ASIC2: variants seen among roughly 807,000 people sequenced by gnomAD.
The protein encoded by ASIC2 is acid sensing ion channel subunit 2.
A neutral mutation model predicts 57.3 loss-of-function variants in ASIC2; 25 were observed. The ratio of observed to expected loss-of-function variants is 0.44; its 90% CI spans 0.32 to 0.61. The LOEUF is 0.61. ASIC2 is among the 20% of genes least tolerant of loss of function. The pLI is 0.06. For missense variants in ASIC2, 641 were observed against 738.1 expected (o/e 0.87, Z 1.52); for synonymous variants, 319 against 307.5 (o/e 1.04, Z -0.39).
At chr17:33,536,772 C>G (rs1027138745) in intron 1 of ASIC2, among the ~76,000 whole-genome samples, 2 of 152,142 alleles carry the variant, frequency 1.3e-5, no homozygotes, top group African/African-American at 2.4e-5. Flanking sequence ...TTTGGGAGGC[C>G]TAGGCAGGTG....
At chr17:34,074,863 A>G (rs1909570740) in intron 1 of ASIC2, among the ~76,000 whole-genome samples, 1 of 138,830 alleles carries the variant, frequency 7.2e-6, no homozygotes. Context: ...TCGGCTCACC[A>G]CAAACACCAT....
At chr17:34,099,108 GA>G (rs1239376030) in intron 1 of ASIC2, among the ~76,000 whole-genome samples, 17 of 26,732 alleles carry the variant, frequency 6.4e-4, no homozygotes. Flanking sequence ...AGAAAAGAGA[GA>G]GAGAGAGAGA....
At chr17:34,108,956 T>C (rs1278278494) in intron 1 of ASIC2, among the ~76,000 whole-genome samples, 1 of 152,062 alleles carries the variant, frequency 6.6e-6, no homozygotes, top group Non-Finnish European at 1.5e-5. Context: ...TGGTTATGGT[T>C]AGTGGTGTTT....
chr17:33,805,945 C>T (rs1912255974), intron 1 of ASIC2, among the ~76,000 whole-genome samples: 1 of 152,192 alleles, frequency 6.6e-6, no homozygotes, highest in Non-Finnish European at 1.5e-5. Flanking sequence ...CACACACTTG[C>T]ACACATATTA....
intron 1 of ASIC2, among the ~76,000 whole-genome samples, chr17:33,482,745 C>T (rs1456778993): frequency 6.6e-6 from 1 of 152,164 alleles, no homozygotes; most frequent in Non-Finnish European, 1.5e-5. Context: ...CATCCTTTTC[C>T]CACACTACCC....
chr17:33,361,439 T>C (rs528471457), intron 1 of ASIC2, among the ~76,000 whole-genome samples: 14 of 152,330 alleles, frequency 9.2e-5, no homozygotes, highest in Admixed American at 2.0e-4. Flanking sequence ...AATAGCCTTA[T>C]GCACCTGCAA....
intron 1 of ASIC2, among the ~76,000 whole-genome samples, chr17:33,232,798 AGAGAG>A (rs1385019657): frequency 6.6e-6 from 1 of 152,228 alleles, no homozygotes; most frequent in African/African-American, 2.4e-5. Context: ...CTGAACGCTA[AGAGAG>A]GAGAGAGATG....
At chr17:33,317,949 C>A (rs2142212325) in intron 1 of ASIC2, among the ~76,000 whole-genome samples, 1 of 148,858 alleles carries the variant, frequency 6.7e-6, no homozygotes, top group Non-Finnish European at 1.5e-5. Context: ...TATATATGAG[C>A]TTGTAGGTGG....
intron 1 of ASIC2, among the ~76,000 whole-genome samples, chr17:33,347,540 A>G (rs1323204319): frequency 6.6e-6 from 1 of 152,152 alleles, no homozygotes; most frequent in Admixed American, 6.6e-5. Flanking sequence ...AGTGTTTGGT[A>G]GAGAGTGGGT....
rs1316748388 is a variant in ASIC2 at position 34,133,487 on chromosome 17, A to G, written c.555+22491T>C. 7.9e-5 allele frequency among the ~76,000 whole-genome samples: 12 copies of G among 152,376 alleles called. 1 individual carries two copies. The South Asian group carries it at 2.3e-3, about 29-fold the overall frequency. On this transcript the variant is annotated intron_variant, in intron 1 of 9. Transcript: ENST00000359872. ...AACATCAGTGCATTCTCCCAAGAGCAGCCCTGGCTCTGAGCTGTGGGACAG... is the reference window on the plus strand; with the variant it reads ...AACATCAGTGCATTCTCCCAAGAGCGGCCCTGGCTCTGAGCTGTGGGACAG...
chr17:33,221,772 G>C (rs983128368), intron 1 of ASIC2, among the ~76,000 whole-genome samples: 1 of 151,886 alleles, frequency 6.6e-6, no homozygotes, highest in Non-Finnish European at 1.5e-5. Context: ...TTTCTGAAAG[G>C]TCATCTTAAA....
At chr17:33,798,803 G>A (rs1911995196) in intron 1 of ASIC2, among the ~76,000 whole-genome samples, 1 of 152,130 alleles carries the variant, frequency 6.6e-6, no homozygotes, top group Admixed American at 6.6e-5. Context: ...TCTTTGGAAG[G>A]GATCAGGGCC....
chr17:33,633,160 A>T (rs1294703899), intron 1 of ASIC2, among the ~76,000 whole-genome samples: 1 of 152,158 alleles, frequency 6.6e-6, no homozygotes, highest in African/African-American at 2.4e-5. Context: ...GTCATCTGAG[A>T]GAGTGTTACC....
intron 1 of ASIC2, among the ~76,000 whole-genome samples, chr17:34,115,411 T>C (rs930099711): frequency 6.6e-6 from 1 of 152,216 alleles, no homozygotes; most frequent in Non-Finnish European, 1.5e-5. Flanking sequence ...ACTCAACCCC[T>C]GCTTGAATTC....
At chr17:34,086,765 G>C (rs1180579653) in intron 1 of ASIC2, among the ~76,000 whole-genome samples, 1 of 152,212 alleles carries the variant, frequency 6.6e-6, no homozygotes, top group East Asian at 1.9e-4. Context: ...AGCTCTTCTT[G>C]TTGAATTGAT....
intron 1 of ASIC2, among the ~76,000 whole-genome samples, chr17:33,535,274 CTT>C (rs1312834562): frequency 4.3e-4 from 59 of 138,444 alleles, no homozygotes; most frequent in Non-Finnish European, 4.2e-4. Flanking sequence ...AATGTCGCTT[CTT>C]TTTTTTTTTT....
intron 1 of ASIC2, among the ~76,000 whole-genome samples, chr17:33,508,645 C>T (rs573731034): frequency 9.2e-5 from 14 of 152,268 alleles, no homozygotes; most frequent in East Asian, 7.7e-4. Flanking sequence ...AGGTGGGGTA[C>T]ACAGCACACC....
intron 1 of ASIC2, among the ~76,000 whole-genome samples, chr17:33,937,187 C>T (rs780864621): frequency 1.3e-5 from 2 of 152,148 alleles, no homozygotes; most frequent in African/African-American, 2.4e-5. Context: ...CTGCAAACTC[C>T]GCCTCCTGTG....
At chr17:33,130,963 A>T (rs556465384) in intron 1 of ASIC2, among the ~76,000 whole-genome samples, 55 of 152,328 alleles carry the variant, frequency 3.6e-4, no homozygotes, top group African/African-American at 1.3e-3. Flanking sequence ...TGTGTGTGTG[A>T]ACCTGAGCAA....
Sources: gnomAD v4.1 joint callset for allele counts (sites outside exome capture counted in the v4.1 genomes callset) on GRCh38, gnomAD v4.1.1 for gene constraint, MANE v1.5 for transcripts, NCBI Gene and HGNC (gene_info 2026-07-23, HGNC 2026-07-21) for gene names.